ZNF329: variants seen among roughly 807,000 people sequenced by gnomAD.
ZNF329 encodes the protein zinc finger protein 329.
A neutral mutation model predicts 26.6 loss-of-function variants in ZNF329; 15 were observed. That is an observed-to-expected ratio of 0.56 (90% CI 0.38 to 0.87). The LOEUF (loss-of-function observed/expected upper bound fraction) is 0.87. Ranked by LOEUF, ZNF329 falls within the 40% of genes least tolerant of loss-of-function variation. The pLI, the probability that ZNF329 is intolerant of heterozygous loss-of-function variation, is 0.00. For missense variants in ZNF329, 651 were observed against 651.9 expected (o/e 1.00, Z 0.02); for synonymous variants, 239 against 233.5 (o/e 1.02, Z -0.21).
At chr19:58,137,275 T>C (rs1232538237) in intron 3 of ZNF329, among the ~76,000 whole-genome samples, 1 of 152,040 alleles carries the variant, frequency 6.6e-6, no homozygotes, top group African/African-American at 2.4e-5. Context: ...CAGCAGAGGC[T>C]GGGCACGGCG....
At chr19:58,133,770 G>T (rs1236248333) in intron 3 of ZNF329, among the ~76,000 whole-genome samples, 1 of 151,994 alleles carries the variant, frequency 6.6e-6, no homozygotes, top group African/African-American at 2.4e-5. Context: ...AGGTCGAGGT[G>T]GGGGGATCAC....
Position 58,129,487 on chromosome 19 carries a change from G to A in ZNF329, c.17C>T (p.Thr6Met), listed in dbSNP as rs201700452. 5.1e-5 allele frequency: 82 copies of A among 1,594,486 alleles called. No individual in the cohort carries two copies. Among genetic ancestry groups the A allele is most frequent in the Middle Eastern group, 1.7e-4 (1 of 5,932 alleles). ...TTCTCTCTCAGGAAAATTCCGAGTCGTCATTTTCAATCTCATATCCCAAAC... is the reference window on the plus strand; with the variant it reads ...TTCTCTCTCAGGAAAATTCCGAGTCATCATTTTCAATCTCATATCCCAAAC... MRLKM[T>M]TRNFPEREVP... The change falls in exon 4 of 4, where the codon ACG (threonine) becomes ATG (methionine). Residue 6 changes from threonine to methionine, a missense_variant. Physicochemically the swap from Thr to Met is moderately conservative, Grantham distance 81. Transcript: ENST00000598312.
At chr19:58,135,623 G>T (rs2075047474) in intron 3 of ZNF329, among the ~76,000 whole-genome samples, 1 of 152,170 alleles carries the variant, frequency 6.6e-6, no homozygotes, top group Non-Finnish European at 1.5e-5. Context: ...ATGGAAAAGA[G>T]TTATGCAGGA....
At chr19:58,133,884 C>T (rs1280530131) in intron 3 of ZNF329, among the ~76,000 whole-genome samples, 1 of 151,656 alleles carries the variant, frequency 6.6e-6, no homozygotes. Context: ...CAATGCTGAC[C>T]ACATGAAATG....
upstream of ZNF329, chr19:58,154,794 G>A (rs1184908107): frequency 6.6e-6 from 1 of 152,252 alleles, no homozygotes; most frequent in Non-Finnish European, 1.5e-5. Flanking sequence ...GAGAGGCGAG[G>A]AGGATCCTTG....
chr19:58,146,357 C>A (rs981346388), intron 1 of ZNF329, among the ~76,000 whole-genome samples: 3 of 152,076 alleles, frequency 2.0e-5, no homozygotes, highest in Non-Finnish European at 2.9e-5. Flanking sequence ...ACCTGTAATT[C>A]CAGCTACTTG....
At chr19:58,135,008 C>G (rs1218978932) in intron 3 of ZNF329, among the ~76,000 whole-genome samples, 2 of 152,042 alleles carry the variant, frequency 1.3e-5, no homozygotes, top group African/African-American at 4.8e-5. Flanking sequence ...AGGAAGAAAA[C>G]AGCAAATCTA....
At chr19:58,145,834 G>GCC (rs922652548) in intron 1 of ZNF329, among the ~76,000 whole-genome samples, 1 of 151,846 alleles carries the variant, frequency 6.6e-6, no homozygotes, top group African/African-American at 2.4e-5. Flanking sequence ...ATCACCACCA[G>GCC]CCTCACATGC....
intron 3 of ZNF329, among the ~76,000 whole-genome samples, chr19:58,135,836 A>G (rs1284477240): frequency 6.6e-6 from 1 of 152,232 alleles, no homozygotes; most frequent in African/African-American, 2.4e-5. Context: ...AACCAAATAT[A>G]ATAAAACAGC....
At chr19:58,152,943 A>G (rs2075484166), upstream of ZNF329, among the ~76,000 whole-genome samples, 2 of 152,348 alleles carry the variant, frequency 1.3e-5, no homozygotes, top group South Asian at 4.1e-4. Flanking sequence ...ACAGACACAA[A>G]TATCAGAAGA....
chr19:58,151,174 T>G (rs2075446175), upstream of ZNF329, among the ~76,000 whole-genome samples: 1 of 152,178 alleles, frequency 6.6e-6, no homozygotes, highest in African/African-American at 2.4e-5. Context: ...TTAAAATGAC[T>G]AGATCTAAGA....
rs2075055554 is a variant in ZNF329, at chr19:58,135,974, T to G, written c.-8-6463A>C. Reference sequence around the variant, plus strand: ...AGGCCACGCACGGTGGCTCATGCCTTGTAATCCCAGCACTTTAGGGGGCAG... The same window carrying G: ...AGGCCACGCACGGTGGCTCATGCCTGGTAATCCCAGCACTTTAGGGGGCAG... On this transcript the variant is annotated intron_variant, in intron 3 of 3. Coordinates refer to ENST00000598312, the MANE Select transcript of ZNF329 (RefSeq NM_024620.4). Among the ~76,000 whole-genome samples the G allele has an allele frequency of 2.0e-5, 3 of 152,118 alleles. No individual in the cohort carries two copies. The South Asian group carries it at 6.2e-4, about 32-fold the overall frequency.
At chr19:58,130,515 A>G (rs1056007141) in intron 3 of ZNF329, among the ~76,000 whole-genome samples, 2 of 151,384 alleles carry the variant, frequency 1.3e-5, no homozygotes, top group Non-Finnish European at 2.9e-5. Context: ...TACTAAAAAA[A>G]TACAAACAAT....
intron 3 of ZNF329, among the ~76,000 whole-genome samples, chr19:58,139,103 AC>A (rs1432986757): frequency 3.9e-5 from 6 of 152,170 alleles, no homozygotes; most frequent in South Asian, 2.1e-4. Context: ...CAAGACACCA[AC>A]CAAGGCTGTG....
chr19:58,148,357 CCCCCTCTG>C (rs1018993807), intron 1 of ZNF329, among the ~76,000 whole-genome samples: 22 of 147,540 alleles, frequency 1.5e-4, no homozygotes, highest in African/African-American at 5.7e-4. Context: ...CCTGCCAAAT[CCCCCTCTG>C]CGAGAAACAC....
chr19:58,152,234 T>C (rs1050420462), upstream of ZNF329, among the ~76,000 whole-genome samples: 12 of 152,118 alleles, frequency 7.9e-5, no homozygotes, highest in Non-Finnish European at 1.8e-4. Flanking sequence ...AATTTCTCCA[T>C]GAAGGCCGTA....
chr19:58,154,742 G>A (rs12460050), upstream of ZNF329: 30,501 of 151,722 alleles, frequency 0.2, 3,332 homozygotes, highest in Middle Eastern at 0.33. Context: ...CACCTGGCCA[G>A]GTGTCCGGGG....
rs2074886320 is a variant in ZNF329 at position 58,129,417 on chromosome 19, G to GAAGTTT, written c.86_87insAAACTT (p.Pro29_Cys30insAsnPhe). 1.2e-6 allele frequency: 2 copies of GAAGTTT among 1,614,142 alleles called. No individual in the cohort carries two copies. Among genetic ancestry groups the GAAGTTT allele is most frequent in the African/African-American group, 2.7e-5 (2 of 75,040 alleles). Reference sequence around the variant, plus strand: ...AACCATCACCTAAACTGGACAAGCAGGGAACTTCCCTTGTGAATCTTTCCA... The same window carrying GAAGTTT: ...AACCATCACCTAAACTGGACAAGCAGAAGTTTGGAACTTCCCTTGTGAATCTTTCCA... On this transcript the variant is annotated inframe_insertion, in exon 4 of 4. Transcript: ENST00000598312.
rs541587698 is a variant in ZNF329 at position 58,142,629 on chromosome 19, C to A, written c.-81G>T. On this transcript the variant is annotated 5_prime_UTR_variant, in exon 3 of 4. It removes an upstream start codon present in the reference 5' UTR. Coordinates refer to ENST00000598312, the MANE Select transcript of ZNF329 (RefSeq NM_024620.4). ...ACATCGATGGTTGCTGGACATTAGC[C>A]ATTTATGCCCATCCACACGGCTCCA... 1 of 152,646 alleles carries A rather than the reference C, an allele frequency of 6.6e-6. No individual in the cohort carries two copies. Among genetic ancestry groups the A allele is most frequent in the Non-Finnish European group, 1.5e-5 (1 of 68,042 alleles). The allele number at this position is 152,646 out of a possible 1,614,324, so 9.5% of individuals were successfully genotyped here.
Sources: gnomAD v4.1 joint callset for allele counts (sites outside exome capture counted in the v4.1 genomes callset) on GRCh38, gnomAD v4.1.1 for gene constraint, MANE v1.5 for transcripts, NCBI Gene and HGNC (gene_info 2026-07-23, HGNC 2026-07-21) for gene names.